The following L3MBTL4 variants were observed in gnomAD, a reference collection of about 807,000 sequenced individuals.
The protein encoded by L3MBTL4 is L3MBTL histone methyl-lysine binding protein 4, also known as lethal(3)malignant brain tumor-like protein 4.
A neutral mutation model predicts 84.5 loss-of-function variants in L3MBTL4; 70 were observed. That is an observed-to-expected ratio of 0.83 (90% confidence interval 0.68 to 1.01). The LOEUF is 1.01. L3MBTL4 is among the 50% of genes least tolerant of loss of function. L3MBTL4 has a pLI of 0.00. For missense variants in L3MBTL4, 715 were observed against 754.8 expected, an observed-to-expected ratio of 0.95 and a Z score of 0.62; for synonymous variants, 274 against 259.8, an observed-to-expected ratio of 1.05 and a Z score of -0.52.
At chr18:6,123,030 C>CT (rs1381689589) in intron 14 of L3MBTL4, among the ~76,000 whole-genome samples, 3 of 152,050 alleles carry the variant, frequency 2.0e-5, no homozygotes, top group African/African-American at 4.8e-5. Flanking sequence ...ATTATATTTT[C>CT]TTTTTTCCTG....
intron 3 of L3MBTL4, among the ~76,000 whole-genome samples, chr18:6,305,631 C>T (rs1425244618): frequency 1.3e-5 from 2 of 152,202 alleles, no homozygotes; most frequent in Admixed American, 6.5e-5. Flanking sequence ...AAAAAAATAG[C>T]GTTCTGAAAA....
intron 12 of L3MBTL4, among the ~76,000 whole-genome samples, chr18:6,212,424 A>C (rs1349199443): frequency 2.6e-5 from 4 of 152,226 alleles, no homozygotes; most frequent in African/African-American, 4.8e-5. Flanking sequence ...TATTATGAAA[A>C]GAAACTATAC....
intron 16 of L3MBTL4, among the ~76,000 whole-genome samples, chr18:6,072,865 C>CAAAAAAA (rs71370542): frequency 6.5e-4 from 2 of 3,066 alleles, no homozygotes; most frequent in Non-Finnish European, 7.6e-4. Flanking sequence ...GACTCCGTCT[C>CAAAAAAA]AAAAAAAAAA....
chr18:6,018,903 A>T (rs2055122976), intron 16 of L3MBTL4, among the ~76,000 whole-genome samples: 1 of 152,206 alleles, frequency 6.6e-6, no homozygotes, highest in Admixed American at 6.5e-5. Flanking sequence ...CATCTCAGGG[A>T]CCCCAAACTA....
At chr18:6,032,622 C>T (rs1485020614) in intron 16 of L3MBTL4, among the ~76,000 whole-genome samples, 1 of 151,984 alleles carries the variant, frequency 6.6e-6, no homozygotes, top group South Asian at 2.1e-4. Context: ...AAATACATCC[C>T]TAATGTTATG....
intron 1 of L3MBTL4, among the ~76,000 whole-genome samples, chr18:6,370,790 C>CA (rs2054129446): frequency 6.6e-6 from 1 of 152,162 alleles, no homozygotes; most frequent in South Asian, 2.1e-4. Context: ...GCACTGCCCC[C>CA]ACCAAGCAAG....
At chr18:6,005,833 T>C (rs1297985947) in intron 16 of L3MBTL4, among the ~76,000 whole-genome samples, 1 of 152,218 alleles carries the variant, frequency 6.6e-6, no homozygotes, top group Non-Finnish European at 1.5e-5. Flanking sequence ...GAAAAATTTA[T>C]GTTCCTTTGG....
At chr18:6,249,590 A>G (rs2047835002) in intron 5 of L3MBTL4, among the ~76,000 whole-genome samples, 1 of 152,194 alleles carries the variant, frequency 6.6e-6, no homozygotes, top group African/African-American at 2.4e-5. Flanking sequence ...TAAAACGTTC[A>G]TTTTAACAAT....
At chr18:6,298,766 C>G (rs1004101045) in intron 4 of L3MBTL4, among the ~76,000 whole-genome samples, 1 of 151,908 alleles carries the variant, frequency 6.6e-6, no homozygotes, top group Admixed American at 6.6e-5. Context: ...CCCAGTTACT[C>G]GGGAGGCTGA....
chr18:5,996,935 T>C (rs925456416), intron 16 of L3MBTL4, among the ~76,000 whole-genome samples: 1 of 152,114 alleles, frequency 6.6e-6, no homozygotes, highest in Admixed American at 6.5e-5. Context: ...ATCCAGTTCA[T>C]TTGGGGATTT....
At chr18:6,315,763 G>T (rs928846881) in intron 1 of L3MBTL4, among the ~76,000 whole-genome samples, 1 of 152,260 alleles carries the variant, frequency 6.6e-6, no homozygotes, top group East Asian at 1.9e-4. Context: ...GGAACCACTC[G>T]CCCTCATGTG....
At chr18:6,347,145 G>A (rs2052948176) in intron 1 of L3MBTL4, among the ~76,000 whole-genome samples, 2 of 152,032 alleles carry the variant, frequency 1.3e-5, no homozygotes, top group Admixed American at 1.3e-4. Flanking sequence ...AACAGAGGGT[G>A]AAATGATGGT....
At chr18:6,241,485 G>T in intron 7 of L3MBTL4, 36 bp from the exon 8 acceptor site, 2 of 1,157,434 alleles carry the variant, frequency 1.7e-6, no homozygotes, top group Non-Finnish European at 2.6e-6. Context: ...ATACCCAAAA[G>T]ATGTAATCAC....
Position 6,109,255 on chromosome 18 carries a change from A to C in L3MBTL4, c.1200-15727T>G, listed in dbSNP as rs372207148. Among the ~76,000 whole-genome samples the C allele has an allele frequency of 1.4e-4, 22 of 152,320 alleles. 1 individual carries two copies. Among genetic ancestry groups the C allele is most frequent in the African/African-American group, 4.8e-4 (20 of 41,590 alleles). On this transcript the variant is annotated intron_variant, in intron 14 of 18. Coordinates refer to ENST00000317931, the MANE Select transcript of L3MBTL4 (RefSeq NM_001330559.2). Reference sequence around the variant, plus strand: ...CAATTTTTAACCATGAATTTAGATCAAGACTGGACCACTTTTTAAGAAACG... The same window carrying C: ...CAATTTTTAACCATGAATTTAGATCCAGACTGGACCACTTTTTAAGAAACG...
chr18:6,035,735 T>G (rs2056100883), intron 16 of L3MBTL4, among the ~76,000 whole-genome samples: 1 of 152,164 alleles, frequency 6.6e-6, no homozygotes, highest in Admixed American at 6.5e-5. Flanking sequence ...TAAATTACCT[T>G]GAGCAGTATG....
At chr18:6,130,098 T>C (rs2059826701) in intron 14 of L3MBTL4, among the ~76,000 whole-genome samples, 1 of 152,184 alleles carries the variant, frequency 6.6e-6, no homozygotes, top group South Asian at 2.1e-4. Context: ...TAAAATTGAA[T>C]CTTTTGTAGT....
chr18:6,342,354 G>C (rs1288416874), intron 1 of L3MBTL4, among the ~76,000 whole-genome samples: 1 of 152,036 alleles, frequency 6.6e-6, no homozygotes, highest in Non-Finnish European at 1.5e-5. Context: ...AATATAAAAA[G>C]TTGTAAAATA....
At position 6,173,350 on chromosome 18, in the gene L3MBTL4, T is replaced by A. The variant is rs150916304; in HGVS notation, c.982-1408A>T. Among the ~76,000 whole-genome samples, 69 of 152,282 alleles carry A rather than the reference T, an allele frequency of 4.5e-4. No individual in the cohort carries two copies. The East Asian group carries it at 0.011, about 25-fold the overall frequency. ...CCTTAACATCAGCCTGGAGACAATT[T>A]CCTGATTGCAGCACACAGAGAAGAA... is the stretch of plus-strand genomic sequence containing the variant. On this transcript the variant is annotated intron_variant, in intron 12 of 18. Transcript: ENST00000317931.
chr18:6,181,024 A>G (rs2044446397), intron 12 of L3MBTL4, among the ~76,000 whole-genome samples: 1 of 152,208 alleles, frequency 6.6e-6, no homozygotes, highest in Non-Finnish European at 1.5e-5. Context: ...AAAAGGACAA[A>G]TATCTACTTA....
Sources: allele counts gnomAD v4.1 joint callset (sites outside exome capture counted in the v4.1 genomes callset), GRCh38; gene constraint gnomAD v4.1.1; transcripts MANE v1.5; gene names NCBI Gene and HGNC (gene_info 2026-07-23, HGNC 2026-07-21).